The following PAPPA variants were observed in gnomAD, a reference collection of about 807,000 sequenced individuals.
PAPPA encodes pappalysin 1, also known as pappalysin-1.
A neutral mutation model predicts 164.0 loss-of-function variants in PAPPA; 60 were observed. The ratio of observed to expected loss-of-function variants is 0.37; its 90% confidence interval spans 0.30 to 0.45. The LOEUF (loss-of-function observed/expected upper bound fraction) is 0.45. PAPPA is among the 20% of genes least tolerant of loss of function. The pLI, the probability that PAPPA is intolerant of heterozygous loss-of-function variation, is 1.00. For missense variants in PAPPA, 1,782 were observed against 2,087.3 expected (o/e 0.85, Z 2.85); for synonymous variants, 875 against 814.1 (o/e 1.07, Z -1.27).
intron 15 of PAPPA, among the ~76,000 whole-genome samples, chr9:116,349,496 G>C (rs1237799668): frequency 6.6e-6 from 1 of 152,188 alleles, no homozygotes; most frequent in East Asian, 1.9e-4. Flanking sequence ...CAAGTGCTTA[G>C]AATACCAGAT....
intron 10 of PAPPA, among the ~76,000 whole-genome samples, chr9:116,319,562 C>T (rs1442784916): frequency 6.6e-6 from 1 of 152,190 alleles, no homozygotes; most frequent in African/African-American, 2.4e-5. Flanking sequence ...ATCTCCCCAT[C>T]ACAGTGACAT....
chr9:116,300,096 GAT>G (rs1445515088), intron 9 of PAPPA, among the ~76,000 whole-genome samples: 2 of 152,036 alleles, frequency 1.3e-5, no homozygotes, highest in African/African-American at 4.8e-5. Context: ...TAGGTTATAC[GAT>G]ATGTAGAGTG....
At chr9:116,209,943 A>G (rs1325255702) in intron 3 of PAPPA, among the ~76,000 whole-genome samples, 2 of 152,116 alleles carry the variant, frequency 1.3e-5, no homozygotes, top group African/African-American at 2.4e-5. Context: ...CCCTCTCCCC[A>G]TCCCAAGAGA....
chr9:116,321,109 G>T (rs1220389760), intron 10 of PAPPA, among the ~76,000 whole-genome samples: 1 of 151,830 alleles, frequency 6.6e-6, no homozygotes, highest in East Asian at 1.9e-4. Context: ...CTCACTGCAG[G>T]CTCCACCTCC....
chr9:116,179,637 G>A (rs866252327), intron 1 of PAPPA, among the ~76,000 whole-genome samples: 2 of 152,192 alleles, frequency 1.3e-5, no homozygotes, highest in African/African-American at 2.4e-5. Context: ...CCTCCTCGGT[G>A]ATATCCCAGC....
At chr9:116,164,135 T>C (rs971430571) in intron 1 of PAPPA, among the ~76,000 whole-genome samples, 4 of 152,198 alleles carry the variant, frequency 2.6e-5, no homozygotes, top group Non-Finnish European at 5.9e-5. Flanking sequence ...CCTTGTAGTA[T>C]TGCTTATCAT....
chr9:116,197,386 T>C (rs1844121200), intron 2 of PAPPA, among the ~76,000 whole-genome samples: 1 of 152,192 alleles, frequency 6.6e-6, no homozygotes, highest in Admixed American at 6.5e-5. Flanking sequence ...TTCAGTGTGG[T>C]AATGAGGAGC....
intron 5 of PAPPA, among the ~76,000 whole-genome samples, 153 bp downstream of exon 5, chr9:116,220,282 G>T (rs918492494): frequency 1.1e-4 from 16 of 152,212 alleles, no homozygotes; most frequent in African/African-American, 3.6e-4. Flanking sequence ...GTAAATTTGG[G>T]ATCAGGGAAT....
chr9:116,398,426 G>A lies in PAPPA; in HGVS notation c.*1810G>A, dbSNP rs1846995919. ...ATAGAAAATACCATGCACGTGTGCA[G>A]CCCCACCTAATTCCTGCATCCAAGG... On this transcript the variant is annotated 3_prime_UTR_variant, in exon 22 of 22. Coordinates refer to ENST00000328252, the MANE Select transcript of PAPPA (RefSeq NM_002581.5). The A allele has an allele frequency of 2.4e-6, 1 of 415,786 alleles. No individual in the cohort carries two copies. Among genetic ancestry groups the A allele is most frequent in the Admixed American group, 3.9e-5 (1 of 25,552 alleles). 25.8% of individuals were successfully genotyped at this position (415,786 alleles called of 1,614,324 possible).
At chr9:116,275,121 T>C (rs150602662) in intron 9 of PAPPA, among the ~76,000 whole-genome samples, 1,824 of 152,354 alleles carry the variant, frequency 0.012, 20 homozygotes, top group Non-Finnish European at 0.018. Context: ...GTTCCATACG[T>C]AACCAATATT....
At chr9:116,266,018 GGAT>G in intron 8 of PAPPA, 33 bp downstream of exon 8, 4 of 1,550,210 alleles carry the variant, frequency 2.6e-6, no homozygotes, top group Non-Finnish European at 3.5e-6. Flanking sequence ...AGAAGAGGAG[GGAT>G]GCTGGTTAGG....
At chr9:116,354,378 A>G (rs1252231146) in intron 17 of PAPPA, among the ~76,000 whole-genome samples, 1 of 152,320 alleles carries the variant, frequency 6.6e-6, no homozygotes, top group African/African-American at 2.4e-5. Context: ...AATAGGAAAA[A>G]GGAACAAAAG....
intron 13 of PAPPA, among the ~76,000 whole-genome samples, chr9:116,337,965 G>A (rs559416903): frequency 6.6e-6 from 1 of 152,274 alleles, no homozygotes; most frequent in Admixed American, 6.5e-5. Flanking sequence ...ACACCAAGTT[G>A]TGGAAAGGAG....
chr9:116,309,486 G>C (rs935052739), intron 10 of PAPPA, among the ~76,000 whole-genome samples: 1 of 152,116 alleles, frequency 6.6e-6, no homozygotes, highest in Admixed American at 6.6e-5. Flanking sequence ...TACCCACTAG[G>C]GTATTGTATG....
intron 2 of PAPPA, 62 bp downstream of exon 2, chr9:116,188,278 T>C (rs1203582536): frequency 7.9e-7 from 1 of 1,262,684 alleles, no homozygotes; most frequent in African/African-American, 1.5e-5. Context: ...CTCCATATTA[T>C]AGATAAGGCA....
intron 10 of PAPPA, among the ~76,000 whole-genome samples, 161 bp from the exon 11 acceptor site, chr9:116,331,083 T>C (rs1333085594): frequency 2.0e-5 from 3 of 152,240 alleles, no homozygotes; most frequent in African/African-American, 7.2e-5. Context: ...TCTTCTACAT[T>C]AGAATGTGAG....
intron 7 of PAPPA, among the ~76,000 whole-genome samples, chr9:116,239,464 C>T (rs1844711051): frequency 6.6e-6 from 1 of 152,070 alleles, no homozygotes; most frequent in South Asian, 2.1e-4. Context: ...TCTGGGGTAA[C>T]AGGTGATTCA....
chr9:116,334,844 T>G lies in PAPPA; in HGVS notation c.3398-17T>G. On this transcript the variant is annotated splice_polypyrimidine_tract_variant and intron_variant, in intron 12 of 21. Coordinates refer to ENST00000328252, the MANE Select transcript of PAPPA (RefSeq NM_002581.5). ...GTAATGAGCCTGGCCCCTCGGCCCC[T>G]CTGTCTCCCCTGACAGGCCTCCATG... 6.2e-7 allele frequency: 1 copy of G among 1,605,596 alleles called. No homozygotes were observed. Among genetic ancestry groups the G allele is most frequent in the Non-Finnish European group, 8.5e-7 (1 of 1,172,390 alleles).
chr9:116,237,114 T>C (rs1844677770), intron 7 of PAPPA, among the ~76,000 whole-genome samples: 1 of 152,242 alleles, frequency 6.6e-6, no homozygotes, highest in Admixed American at 6.5e-5. Context: ...AACCAAGTTC[T>C]AGAGGAAACT....
Sources: gnomAD v4.1 joint callset for allele counts (sites outside exome capture counted in the v4.1 genomes callset) on GRCh38, gnomAD v4.1.1 for gene constraint, MANE v1.5 for transcripts, NCBI Gene and HGNC (gene_info 2026-07-23, HGNC 2026-07-21) for gene names.